NAALADL2: variants seen among roughly 807,000 people sequenced by gnomAD.
NAALADL2 encodes inactive N-acetylated-alpha-linked acidic dipeptidase-like protein 2.
NAALADL2 carries 76 observed loss-of-function variants against 87.2 expected under a neutral mutation model. The observed-to-expected ratio is 0.87, with a 90% CI of 0.72 to 1.05. NAALADL2 has a LOEUF of 1.05. NAALADL2 is among the 50% of genes least tolerant of loss of function. NAALADL2 has a pLI of 0.00. For synonymous variants in NAALADL2, 354 were observed against 331.0 expected, an observed-to-expected ratio of 1.07 and a Z score of -0.75; for missense variants, 1,089 against 945.8, an observed-to-expected ratio of 1.15 and a Z score of -1.99.
At chr3:174,961,063 A>T (rs1181846465) in intron 1 of NAALADL2, among the ~76,000 whole-genome samples, 1 of 148,008 alleles carries the variant, frequency 6.8e-6, no homozygotes, top group East Asian at 1.9e-4. Context: ...TATTAAATAT[A>T]TCATATGTAT....
At chr3:175,278,789 A>G (rs1205031468) in intron 4 of NAALADL2, among the ~76,000 whole-genome samples, 1 of 152,162 alleles carries the variant, frequency 6.6e-6, no homozygotes, top group Non-Finnish European at 1.5e-5. Flanking sequence ...GCACTGTTTA[A>G]TAAGTGGCAG....
intron 3 of NAALADL2, among the ~76,000 whole-genome samples, chr3:174,792,155 A>T (rs1717536310): frequency 1.3e-5 from 2 of 152,118 alleles, no homozygotes; most frequent in South Asian, 4.1e-4. Context: ...CAGGAGGCAG[A>T]GGTTGCAGTG....
chr3:175,490,121 G>A (rs1342516415), intron 9 of NAALADL2, among the ~76,000 whole-genome samples: 8 of 152,146 alleles, frequency 5.3e-5, no homozygotes, highest in Admixed American at 5.2e-4. Flanking sequence ...CAATGAGGTA[G>A]TGAGATGTTG....
chr3:174,676,658 A>G (rs952817175), intron 2 of NAALADL2, among the ~76,000 whole-genome samples: 8 of 151,902 alleles, frequency 5.3e-5, no homozygotes, highest in Non-Finnish European at 7.4e-5. Context: ...CAGTATATGT[A>G]TAGGAGTTGT....
At chr3:174,995,777 G>A (rs1252896391) in intron 1 of NAALADL2, among the ~76,000 whole-genome samples, 2 of 146,020 alleles carry the variant, frequency 1.4e-5, no homozygotes, top group Admixed American at 6.9e-5. Flanking sequence ...TTGCTTTTAC[G>A]CTATTACTGA....
intron 1 of NAALADL2, among the ~76,000 whole-genome samples, chr3:175,036,828 G>A (rs1341553140): frequency 5.4e-5 from 5 of 92,644 alleles, no homozygotes; most frequent in South Asian, 2.9e-4. Flanking sequence ...TTTTTTTAGC[G>A]TTCCTATACT....
rs1009254537 is a variant in NAALADL2, at chr3:175,364,717, T to G, written c.1090+40392T>G. On this transcript the variant is annotated intron_variant, in intron 5 of 13. Transcript: ENST00000454872. ...TTGAAGACAAAGAGACCCTTTTTTT[T>G]GAGTCAAGTATAAAATGGCAGATAA... is the stretch of plus-strand genomic sequence containing the variant. Among the ~76,000 whole-genome samples, 4 of 147,396 alleles carry G rather than the reference T, an allele frequency of 2.7e-5. 1 individual carries two copies. The highest frequency in any genetic ancestry group is 9.8e-5 in the African/African-American group (4 of 40,638).
intron 5 of NAALADL2, among the ~76,000 whole-genome samples, chr3:175,436,181 C>G (rs1313592356): frequency 7.0e-6 from 1 of 142,516 alleles, no homozygotes; most frequent in Non-Finnish European, 1.5e-5. Context: ...GACATGAACT[C>G]ATCATTTTTT....
intron 1 of NAALADL2, among the ~76,000 whole-genome samples, chr3:175,036,281 T>C (rs890778547): frequency 1.3e-5 from 2 of 152,216 alleles, no homozygotes; most frequent in African/African-American, 2.4e-5. Flanking sequence ...GTCATTATTG[T>C]CATTTTCGAC....
intron 3 of NAALADL2, among the ~76,000 whole-genome samples, chr3:174,838,472 T>C (rs1723626678): frequency 6.6e-6 from 1 of 152,076 alleles, no homozygotes; most frequent in Admixed American, 6.6e-5. Flanking sequence ...CTCTCCAGCA[T>C]AGTACTGGAA....
At chr3:174,831,815 C>A (rs1317717459) in intron 3 of NAALADL2, among the ~76,000 whole-genome samples, 1 of 150,794 alleles carries the variant, frequency 6.6e-6, no homozygotes, top group African/African-American at 2.4e-5. Context: ...AGAGATTCAA[C>A]TTCTTCCTGG....
intron 1 of NAALADL2, among the ~76,000 whole-genome samples, chr3:174,944,875 C>T (rs948335820): frequency 6.6e-6 from 1 of 152,086 alleles, no homozygotes; most frequent in African/African-American, 2.4e-5. Flanking sequence ...ATGTCACTCC[C>T]CAGTGGGCCA....
chr3:175,667,127 AAAAG>A (rs752122708), intron 11 of NAALADL2, among the ~76,000 whole-genome samples: 116 of 147,618 alleles, frequency 7.9e-4, no homozygotes, highest in Middle Eastern at 3.4e-3. Flanking sequence ...GAGAGAGAGA[AAAAG>A]AAAGAAAGAA....
At chr3:174,649,214 C>T (rs1371464033) in intron 2 of NAALADL2, among the ~76,000 whole-genome samples, 4 of 151,924 alleles carry the variant, frequency 2.6e-5, no homozygotes, top group South Asian at 2.1e-4. Context: ...TCACCTGCCT[C>T]GGCCTCTCAA....
chr3:175,490,874 T>C (rs911817661), intron 9 of NAALADL2, among the ~76,000 whole-genome samples: 3 of 152,114 alleles, frequency 2.0e-5, no homozygotes, highest in African/African-American at 7.2e-5. Flanking sequence ...CTGGGTTAAT[T>C]ATTACCTTAT....
intron 5 of NAALADL2, among the ~76,000 whole-genome samples, chr3:175,356,629 C>T (rs1412340761): frequency 7.5e-6 from 1 of 132,498 alleles, no homozygotes; most frequent in Non-Finnish European, 1.7e-5. Flanking sequence ...AAAGAAAATA[C>T]CATTGTATTC....
At chr3:174,962,352 A>G (rs867402356) in intron 1 of NAALADL2, among the ~76,000 whole-genome samples, 1 of 65,614 alleles carries the variant, frequency 1.5e-5, no homozygotes, top group African/African-American at 7.3e-5. Flanking sequence ...AATGGCATTC[A>G]TTGTCATAGT....
At position 175,458,398 on chromosome 3, in the gene NAALADL2, C is replaced by T. The variant is rs1035885422; in HGVS notation, c.1235-5003C>T. Among the ~76,000 whole-genome samples the T allele has an allele frequency of 9.3e-5, 14 of 150,550 alleles. No individual in the cohort carries two copies. In the South Asian group the frequency reaches 1.3e-3, roughly 13 times the overall value. On this transcript the variant is annotated intron_variant, in intron 6 of 13. Transcript: ENST00000454872. Reference sequence around the variant, plus strand: ...TGGGTGTTATACACACACATACACACGGTTTTGTATATATGTATGTTCTCA... The same window carrying T: ...TGGGTGTTATACACACACATACACATGGTTTTGTATATATGTATGTTCTCA...
chr3:175,087,458 G>A (rs768260733), intron 1 of NAALADL2, among the ~76,000 whole-genome samples: 2 of 152,182 alleles, frequency 1.3e-5, no homozygotes, highest in Admixed American at 6.5e-5. Context: ...CGGTTTTGTC[G>A]AATAGAAAAA....
Sources: allele counts gnomAD v4.1 joint callset (sites outside exome capture counted in the v4.1 genomes callset), GRCh38; gene constraint gnomAD v4.1.1; transcripts MANE v1.5; gene names NCBI Gene and HGNC (gene_info 2026-07-23, HGNC 2026-07-21).